The following KCNQ5 variants were observed in gnomAD, a reference collection of about 807,000 sequenced individuals.
The protein encoded by KCNQ5 is potassium voltage-gated channel subfamily KQT member 5.
KCNQ5 carries 30 observed loss-of-function variants against 98.2 expected under a neutral mutation model. The observed-to-expected ratio is 0.31, with a 90% CI of 0.23 to 0.41. KCNQ5 has a LOEUF of 0.41. Ranked by LOEUF, KCNQ5 falls within the 10% of genes least tolerant of loss-of-function variation. The pLI is 1.00. For synonymous variants in KCNQ5, 458 were observed against 449.4 expected (o/e 1.02, Z -0.24); for missense variants, 835 against 1,182.5 (o/e 0.71, Z 4.31).
At chr6:72,795,362 T>C (rs1258029247) in intron 1 of KCNQ5, among the ~76,000 whole-genome samples, 2 of 152,150 alleles carry the variant, frequency 1.3e-5, no homozygotes, top group African/African-American at 2.4e-5. Flanking sequence ...TACCCTCCAA[T>C]TGCTAGTGGC....
At chr6:72,679,930 C>T (rs1446577245) in intron 1 of KCNQ5, among the ~76,000 whole-genome samples, 1 of 152,018 alleles carries the variant, frequency 6.6e-6, no homozygotes, top group East Asian at 1.9e-4. Context: ...CCCAGCTACT[C>T]GGGAGGCTGA....
In KCNQ5 at chr6:72,622,650, C is replaced by T; in HGVS notation, c.398+63C>T. ...GACCACTGTCCCTGGCCCCCTGGGG[C>T]GTGCTCCGCGCTCGCGCCCTTGGGC... is the stretch of plus-strand genomic sequence containing the variant. On this transcript the variant is annotated intron_variant, in intron 1 of 13. Transcript: ENST00000370398. This position sits in a 1 kb window ranked among gnomAD's most constrained non-coding sequence, Gnocchi z 6.0. The T allele has an allele frequency of 1.9e-6, 3 of 1,574,844 alleles. No homozygotes were observed. Among genetic ancestry groups the T allele is most frequent in the East Asian group, 2.3e-5 (1 of 43,560 alleles).
At chr6:72,718,413 T>A (rs548048506) in intron 1 of KCNQ5, among the ~76,000 whole-genome samples, 1 of 150,764 alleles carries the variant, frequency 6.6e-6, no homozygotes, top group South Asian at 2.1e-4. Context: ...ATTGAGGAGC[T>A]AAGCCAGGTC....
chr6:73,037,241 G>C (rs982792300), intron 2 of KCNQ5, among the ~76,000 whole-genome samples: 7 of 151,994 alleles, frequency 4.6e-5, no homozygotes, highest in Admixed American at 3.9e-4. Flanking sequence ...TGAGTTTTAA[G>C]GTTTCTTTAC....
At chr6:73,120,671 T>A in intron 8 of KCNQ5, 94 bp downstream of exon 8, 1 of 708,306 alleles carries the variant, frequency 1.4e-6, no homozygotes, top group Non-Finnish European at 2.3e-6. Flanking sequence ...GTGTTAATGT[T>A]TGGCTTCTCT....
chr6:72,796,023 A>C (rs554598095), intron 1 of KCNQ5, among the ~76,000 whole-genome samples: 1 of 152,262 alleles, frequency 6.6e-6, no homozygotes, highest in East Asian at 1.9e-4. Context: ...AAAGAAATCC[A>C]AAGTGAACCC....
chr6:72,941,217 C>T (rs893815466), intron 1 of KCNQ5, among the ~76,000 whole-genome samples: 3 of 151,994 alleles, frequency 2.0e-5, no homozygotes, highest in African/African-American at 7.3e-5. Context: ...AACCTTGCTT[C>T]CTTCTATCTG....
intron 3 of KCNQ5, among the ~76,000 whole-genome samples, chr6:73,069,366 G>A (rs1021792668): frequency 1.1e-4 from 16 of 151,786 alleles, no homozygotes; most frequent in African/African-American, 3.9e-4. Flanking sequence ...GCAAAATATG[G>A]GAGATTAAAC....
Position 72,622,667 on chromosome 6 carries a change from C to T in KCNQ5, c.398+80C>T. On this transcript the variant is annotated intron_variant, in intron 1 of 13. Coordinates refer to ENST00000370398, the MANE Select transcript of KCNQ5 (RefSeq NM_019842.4). This position sits in a 1 kb window ranked among gnomAD's most constrained non-coding sequence, Gnocchi z 6.0. ...CCCTGGGGCGTGCTCCGCGCTCGCG[C>T]CCTTGGGCCCCCGCGCGCGTGCACA... 1 of 1,510,020 alleles carries T rather than the reference C, an allele frequency of 6.6e-7. No individual in the cohort carries two copies. The highest frequency in any genetic ancestry group is 9.0e-7 in the Non-Finnish European group (1 of 1,111,784). 93.5% of individuals were successfully genotyped at this position (1,510,020 alleles called of 1,614,324 possible).
At chr6:72,926,880 TA>T (rs1272998803) in intron 1 of KCNQ5, among the ~76,000 whole-genome samples, 1 of 152,090 alleles carries the variant, frequency 6.6e-6, no homozygotes. Flanking sequence ...CACCTCTTAA[TA>T]AAGGGAATAA....
chr6:72,939,832 G>A (rs115700142), intron 1 of KCNQ5, among the ~76,000 whole-genome samples: 45 of 152,292 alleles, frequency 3.0e-4, no homozygotes, highest in African/African-American at 1.1e-3. Context: ...TGTTCCCTTA[G>A]CAGAGAGTAG....
chr6:72,766,134 A>C (rs1158811298), intron 1 of KCNQ5, among the ~76,000 whole-genome samples: 1 of 151,980 alleles, frequency 6.6e-6, no homozygotes, highest in African/African-American at 2.4e-5. Flanking sequence ...TCATACCTAA[A>C]TGAAGAGAGG....
intron 1 of KCNQ5, among the ~76,000 whole-genome samples, chr6:72,763,767 A>G (rs2154477138): frequency 6.6e-6 from 1 of 152,154 alleles, no homozygotes; most frequent in East Asian, 1.9e-4. Context: ...ACATGAAAGA[A>G]CAAAGTAATG....
At chr6:73,108,888 G>A (rs1390766509) in intron 6 of KCNQ5, among the ~76,000 whole-genome samples, 1 of 152,058 alleles carries the variant, frequency 6.6e-6, no homozygotes, top group Non-Finnish European at 1.5e-5. Context: ...GCTATGTGTG[G>A]GTTACAAATT....
chr6:73,132,642 A>G (rs1481360483), intron 9 of KCNQ5, among the ~76,000 whole-genome samples: 1 of 152,216 alleles, frequency 6.6e-6, no homozygotes, highest in Non-Finnish European at 1.5e-5. Flanking sequence ...CAACAATTTG[A>G]TCTTAGCCGG....
chr6:73,013,084 A>G (rs1770158946), intron 2 of KCNQ5, among the ~76,000 whole-genome samples: 2 of 152,074 alleles, frequency 1.3e-5, no homozygotes. Context: ...GAAATATTAT[A>G]TTTTATAATA....
Position 72,658,182 on chromosome 6 carries a change from T to C in KCNQ5, c.398+35595T>C, listed in dbSNP as rs529788515. On this transcript the variant is annotated intron_variant, in intron 1 of 13. Transcript: ENST00000370398. ...AATGCCCAGGAAGACCCTTTGAAAA[T>C]AAAATGGGTTTGTTCTACAAATTAG... Among the ~76,000 whole-genome samples the C allele has an allele frequency of 5.9e-5, 9 of 152,310 alleles. No individual in the cohort carries two copies. In the South Asian group the frequency reaches 1.2e-3, roughly 21 times the overall value.
At chr6:73,145,533 A>G (rs58891758) in intron 10 of KCNQ5, among the ~76,000 whole-genome samples, 6,983 of 152,238 alleles carry the variant, frequency 0.046, 534 homozygotes, top group African/African-American at 0.16. Flanking sequence ...TTATCATTGC[A>G]TACACTACAA....
chr6:72,736,103 A>ACC (rs1205616963), intron 1 of KCNQ5, among the ~76,000 whole-genome samples: 2 of 151,892 alleles, frequency 1.3e-5, no homozygotes, highest in Non-Finnish European at 1.5e-5. Flanking sequence ...ACACACACAC[A>ACC]CACACACGGA....
Sources: gnomAD v4.1 joint callset for allele counts (sites outside exome capture counted in the v4.1 genomes callset) on GRCh38, gnomAD v4.1.1 for gene constraint, Gnocchi (gnomAD v3.1) non-coding constraint, MANE v1.5 for transcripts, NCBI Gene and HGNC (gene_info 2026-07-23, HGNC 2026-07-21) for gene names.